The following ZNF217 variants were observed in gnomAD, a reference collection of about 807,000 sequenced individuals.
ZNF217 encodes the protein zinc finger protein 217.
In ZNF217, 12 loss-of-function variants were observed where a neutral mutation model predicts 73.3. The ratio of observed to expected loss-of-function variants is 0.16; its 90% CI spans 0.10 to 0.27. The LOEUF is 0.27. Ranked by LOEUF, ZNF217 falls within the 10% of genes least tolerant of loss-of-function variation. The pLI, the probability that ZNF217 is intolerant of heterozygous loss-of-function variation, is 1.00. For synonymous variants in ZNF217, 588 were observed against 516.4 expected, an observed-to-expected ratio of 1.14 and a Z score of -1.88; for missense variants, 1,195 against 1,327.8, an observed-to-expected ratio of 0.90 and a Z score of 1.55.
chr20:53,592,012 C>A (rs1988891290), intron 1 of ZNF217, among the ~76,000 whole-genome samples: 1 of 152,246 alleles, frequency 6.6e-6, no homozygotes, highest in Non-Finnish European at 1.5e-5. Flanking sequence ...GCTGTTGCTA[C>A]CTCGCCTTTT....
At chr20:53,589,476 T>C (rs1377154218) in intron 1 of ZNF217, among the ~76,000 whole-genome samples, 3 of 152,206 alleles carry the variant, frequency 2.0e-5, no homozygotes, top group African/African-American at 7.2e-5. Flanking sequence ...CAACGTTAAA[T>C]ATAAAAGGGT....
At chr20:53,587,548 T>G (rs1988739392) in intron 1 of ZNF217, among the ~76,000 whole-genome samples, 1 of 152,200 alleles carries the variant, frequency 6.6e-6, no homozygotes, top group Non-Finnish European at 1.5e-5. Context: ...GCATCTACCA[T>G]AATACAGCTT....
At chr20:53,591,126 T>G (rs1182874586) in intron 1 of ZNF217, among the ~76,000 whole-genome samples, 6 of 152,094 alleles carry the variant, frequency 3.9e-5, no homozygotes, top group Non-Finnish European at 8.8e-5. Flanking sequence ...TTCTACAAAT[T>G]TTTTCTAAGT....
intron 1 of ZNF217, among the ~76,000 whole-genome samples, chr20:53,593,325 G>A (rs1352354502): frequency 6.6e-6 from 1 of 152,146 alleles, no homozygotes; most frequent in Non-Finnish European, 1.5e-5. Flanking sequence ...GGCATCGCGG[G>A]GGGACCCTAC....
Position 53,575,950 on chromosome 20 carries a change from T to A in ZNF217, c.2814A>T (p.Arg938Ser). Reference protein sequence around the residue: ...DVDQPGANYRRGYDLPKYHMV... With the variant: ...DVDQPGANYRSGYDLPKYHMV... ...TATGGTACTTGGGAAGGTCATAGCC[T>A]CTTCTGTAATTGGCCCCGGGCTGGT... is the stretch of plus-strand genomic sequence containing the variant. The change falls in exon 4 of 6, where the codon AGA becomes AGT. Residue 938 changes from arginine to serine, a missense_variant. By Grantham distance (110) the Arg-to-Ser change is moderately radical. Transcript: ENST00000371471. 1 of 1,614,206 alleles carries A rather than the reference T, an allele frequency of 6.2e-7. No individual in the cohort carries two copies. The highest frequency in any genetic ancestry group is 8.5e-7 in the Non-Finnish European group (1 of 1,180,038).
chr20:53,588,015 G>A (rs1295667745), intron 1 of ZNF217, among the ~76,000 whole-genome samples: 5 of 152,014 alleles, frequency 3.3e-5, no homozygotes, highest in African/African-American at 7.2e-5. Context: ...CAAGTTAAGC[G>A]AAAGAAAAAG....
chr20:53,569,599 G>A (rs1987906585), intron 5 of ZNF217, among the ~76,000 whole-genome samples: 1 of 152,124 alleles, frequency 6.6e-6, no homozygotes, highest in African/African-American at 2.4e-5. Flanking sequence ...GGCCAGGCTG[G>A]TCTTGAACTC....
chr20:53,571,548 G>C (rs1988003268), intron 5 of ZNF217, among the ~76,000 whole-genome samples, 173 bp downstream of exon 5: 1 of 151,660 alleles, frequency 6.6e-6, no homozygotes, highest in South Asian at 2.1e-4. Flanking sequence ...GGGACTACAG[G>C]CACCCGCCAC....
Position 53,568,622 on chromosome 20 carries a change from T to C in ZNF217, c.*666A>G, listed in dbSNP as rs1485363850. ...GATGCTCAAAGTTGCGATAAAATGC[T>C]GCCAGCTTCCGAATGGCTGACCTCG... On this transcript the variant is annotated 3_prime_UTR_variant, in exon 6 of 6. Transcript: ENST00000371471. 4 of 152,194 alleles carry C rather than the reference T, an allele frequency of 2.6e-5. No homozygotes were observed. In the East Asian group the frequency reaches 7.7e-4, roughly 29 times the overall value. The allele number at this position is 152,194 out of a possible 1,614,324, so 9.4% of individuals were successfully genotyped here.
chr20:53,568,965 A>T lies in ZNF217; in HGVS notation c.*323T>A. 4.3e-6 allele frequency: 1 copy of T among 233,488 alleles called. No homozygotes were observed. Among genetic ancestry groups the T allele is most frequent in the Non-Finnish European group, 6.5e-6 (1 of 154,472 alleles). The allele number at this position is 233,488 out of a possible 1,614,324, so 14.5% of individuals were successfully genotyped here. ...AAATGATTTCTTTTCAGCAGCGCTCAAGTATGCAAAAATTCCACTTCTTAT... is the reference window on the plus strand; with the variant it reads ...AAATGATTTCTTTTCAGCAGCGCTCTAGTATGCAAAAATTCCACTTCTTAT... On this transcript the variant is annotated 3_prime_UTR_variant, in exon 6 of 6. Coordinates refer to ENST00000371471, the MANE Select transcript of ZNF217 (RefSeq NM_006526.3).
chr20:53,576,715 G>T lies in ZNF217; in HGVS notation c.2049C>A (p.His683Gln). 1 of 1,614,184 alleles carries T rather than the reference G, an allele frequency of 6.2e-7. No homozygotes were observed. The highest frequency in any genetic ancestry group is 8.5e-7 in the Non-Finnish European group (1 of 1,180,026). ...CCACGGATAAATTTAAAGGTTTTTCGTGACAATCCACACTTGGCCTGTATC... is the reference window on the plus strand; with the variant it reads ...CCACGGATAAATTTAAAGGTTTTTCTTGACAATCCACACTTGGCCTGTATC... ...DCRYRPSVDC[H>Q]EKPLNLSVGA... Residue 683 changes from histidine (H) to glutamine (Q), a missense_variant, in exon 4 of 6, where the codon CAC becomes CAA. His to Gln is a conservative substitution (Grantham distance 24). Coordinates refer to ENST00000371471, the MANE Select transcript of ZNF217 (RefSeq NM_006526.3).
At chr20:53,578,277 A>T in intron 3 of ZNF217, 57 bp downstream of exon 3, 2 of 1,245,868 alleles carry the variant, frequency 1.6e-6, no homozygotes, top group Non-Finnish European at 2.3e-6. Context: ...ACAACAAAAA[A>T]ATTAGATAAC....
intron 2 of ZNF217, among the ~76,000 whole-genome samples, chr20:53,579,182 A>C (rs554896378): frequency 1.3e-5 from 2 of 152,334 alleles, no homozygotes; most frequent in Non-Finnish European, 2.9e-5. Context: ...AGGAGAAGTT[A>C]GAGTCCACTG....
rs777262497 is a variant in ZNF217 at position 53,576,908 on chromosome 20, G to T, written c.1856C>A (p.Thr619Asn). ...TTTTAACAGGTCCAGGTAAGCAGGG[G>T]TAGGGTTTTTATTCACTTTATCAGC... ...DSADKVNKNP[T>N]PAYLDLLKKR... The change falls in exon 4 of 6, where the codon ACC becomes AAC. Residue 619 changes from threonine (T) to asparagine (N), a missense_variant. Transcript: ENST00000371471. 6.2e-7 allele frequency: 1 copy of T among 1,614,182 alleles called. No individual in the cohort carries two copies. Among genetic ancestry groups the T allele is most frequent in the Non-Finnish European group, 8.5e-7 (1 of 1,180,044 alleles).
Position 53,576,947 on chromosome 20 carries a change from G to C in ZNF217, c.1817C>G (p.Ala606Gly), listed in dbSNP as rs995895477. 3 of 1,614,080 alleles carry C rather than the reference G, an allele frequency of 1.9e-6. No homozygotes were observed. In the African/African-American group the frequency reaches 4.0e-5, roughly 22 times the overall value. ...HKDTQDFHKN[A>G]ADDSADKVNK... ...CACTTTATCAGCACTGTCATCAGCT[G>C]CATTTTTATGGAAATCCTGAGTATC... Residue 606 changes from alanine to glycine, a missense_variant, in exon 4 of 6, where the codon GCA (alanine) becomes GGA (glycine). By Grantham distance (60) the Ala-to-Gly change is moderately conservative. Transcript: ENST00000371471.
chr20:53,597,054 T>C (rs1314073905), upstream of ZNF217, among the ~76,000 whole-genome samples: 1 of 132,082 alleles, frequency 7.6e-6, no homozygotes, highest in Non-Finnish European at 1.5e-5. Flanking sequence ...ATCCTGCCAG[T>C]CACAGCATGC....
rs1460654006 is a variant in ZNF217, at chr20:53,577,300, T to A, written c.1484-20A>T. On this transcript the variant is annotated intron_variant, in intron 3 of 5. Transcript: ENST00000371471. ...TTTCACCTAAGGCAAGAAATGGCAC[T>A]TTATTATAGAAGTGTATGAAAAGCA... 1.9e-6 allele frequency: 3 copies of A among 1,585,620 alleles called. No homozygotes were observed. Among genetic ancestry groups the A allele is most frequent in the African/African-American group, 1.3e-5 (1 of 74,326 alleles).
rs535714506 is a variant in ZNF217 at position 53,576,236 on chromosome 20, G to C, written c.2528C>G (p.Pro843Arg). The C allele has an allele frequency of 6.2e-7, 1 of 1,614,232 alleles. No individual in the cohort carries two copies. The change falls in exon 4 of 6, where the codon CCT becomes CGT. Residue 843 changes from proline to arginine, a missense_variant. Pro to Arg is a moderately radical substitution (Grantham distance 103, BLOSUM62 -2). This residue lies in a region of ZNF217 where 649 missense variants were observed against 642.8 expected (regional missense o/e 1.01). Coordinates refer to ENST00000371471, the MANE Select transcript of ZNF217 (RefSeq NM_006526.3). ...CGGTGCAGGGGAAACACTGGTTTTA[G>C]GAAACATCTCAGATTGCTGTTGCCT... Reference protein sequence around the residue: ...ATRQQQSEMFPKTSVSPAPDK... With the variant: ...ATRQQQSEMFRKTSVSPAPDK...
intron 3 of ZNF217, among the ~76,000 whole-genome samples, chr20:53,577,952 A>G (rs935884325): frequency 1.3e-5 from 2 of 152,130 alleles, no homozygotes; most frequent in African/African-American, 4.8e-5. Context: ...TCTCTACTAA[A>G]AATACAGAAA....
Sources: gnomAD v4.1 joint callset for allele counts (sites outside exome capture counted in the v4.1 genomes callset) on GRCh38, gnomAD v4.1.1 for gene constraint, gnomAD v4.1.1 regional missense constraint, MANE v1.5 for transcripts, NCBI Gene and HGNC (gene_info 2026-07-23, HGNC 2026-07-21) for gene names.